The following MSMB variants were observed in gnomAD, a reference collection of about 807,000 sequenced individuals.
The protein encoded by MSMB is beta-microseminoprotein.
MSMB carries 10 observed loss-of-function variants against 10.5 expected under a neutral mutation model. That is an observed-to-expected ratio of 0.95 (90% confidence interval 0.59 to 1.62). The LOEUF is 1.62. MSMB is among the 40% of genes most tolerant of loss of function. The pLI, the probability that MSMB is intolerant of heterozygous loss-of-function variation, is 0.00. For synonymous variants in MSMB, 43 were observed against 46.5 expected (o/e 0.93, Z 0.30); for missense variants, 126 against 137.4 (o/e 0.92, Z 0.42).
intron 1 of MSMB, among the ~76,000 whole-genome samples, chr10:46,041,344 C>CAAAA (rs60728604): frequency 5.2e-5 from 5 of 96,530 alleles, no homozygotes; most frequent in Admixed American, 1.1e-4. Context: ...GACTCCGTCT[C>CAAAA]AAAAAAAAAA....
At chr10:46,046,099 C>T in intron 1 of MSMB, 136 bp downstream of exon 1, 2 of 882,432 alleles carry the variant, frequency 2.3e-6, no homozygotes, top group Non-Finnish European at 1.8e-6. Context: ...CATTGAATTG[C>T]AGGTAATAAC....
At position 46,041,872 on chromosome 10, in the gene MSMB, A is replaced by G. The variant is rs183803608; in HGVS notation, c.4-1781T>C. 7.9e-3 allele frequency among the ~76,000 whole-genome samples: 1,143 copies of G among 144,434 alleles called. 8 individuals carry two copies. Among genetic ancestry groups the G allele is most frequent in the African/African-American group, 0.019 (652 of 34,630 alleles). 94.8% of individuals were successfully genotyped at this position (144,434 alleles called of 152,430 possible). A position where few individuals can be genotyped will look rare whatever the true frequency, so the allele number is the denominator to read the frequency against. ...AAGGTAGTTGGATAGGGTAAAAAAGAAAAAAACAAAACCCAGAAAGTATAA... is the reference window on the plus strand; with the variant it reads ...AAGGTAGTTGGATAGGGTAAAAAAGGAAAAAACAAAACCCAGAAAGTATAA... On this transcript the variant is annotated intron_variant, in intron 1 of 3. Transcript: ENST00000582163.
intron 1 of MSMB, among the ~76,000 whole-genome samples, chr10:46,042,752 A>C (rs1280699201): frequency 6.6e-6 from 1 of 152,218 alleles, no homozygotes; most frequent in Non-Finnish European, 1.5e-5. Flanking sequence ...ATTGATCACC[A>C]CATGTCACGA....
chr10:46,040,196 A>T (rs1590195762), intron 1 of MSMB, 105 bp from the exon 2 acceptor site: 1 of 866,954 alleles, frequency 1.2e-6, no homozygotes, highest in Non-Finnish European at 1.8e-6. Context: ...CTGAGAGGTT[A>T]TGATGTGGAG....
chr10:46,035,239 A>C (rs1840575207), intron 3 of MSMB, among the ~76,000 whole-genome samples: 1 of 152,166 alleles, frequency 6.6e-6, no homozygotes, highest in African/African-American at 2.4e-5. Context: ...CAATAAGTTA[A>C]ACAAAAAATT....
intron 1 of MSMB, among the ~76,000 whole-genome samples, chr10:46,043,295 T>A (rs1448272636): frequency 6.6e-6 from 1 of 152,146 alleles, no homozygotes; most frequent in Non-Finnish European, 1.5e-5. Context: ...GGCAGGAGAT[T>A]GAACCACTGG....
chr10:46,042,343 T>C (rs998956142), intron 1 of MSMB, among the ~76,000 whole-genome samples: 1 of 152,024 alleles, frequency 6.6e-6, no homozygotes, highest in Non-Finnish European at 1.5e-5. Flanking sequence ...AACTTACTGA[T>C]AACAAAAGAA....
intron 1 of MSMB, among the ~76,000 whole-genome samples, chr10:46,043,435 G>GTCTCTCTCTCTCTCTC (rs149445497): frequency 3.2e-5 from 4 of 124,484 alleles, no homozygotes; most frequent in Admixed American, 1.8e-4. Flanking sequence ...CTCCCTTTCT[G>GTCTCTCTCTCTCTCTC]TCTCTCTCTC....
At chr10:46,035,424 T>C (rs1463698162) in intron 3 of MSMB, among the ~76,000 whole-genome samples, 5 of 152,190 alleles carry the variant, frequency 3.3e-5, no homozygotes, top group Admixed American at 1.3e-4. Context: ...AACAAATAAA[T>C]GGATAAGCAA....
intron 1 of MSMB, among the ~76,000 whole-genome samples, chr10:46,044,575 G>GAA (rs56061175): frequency 0.031 from 1,198 of 38,474 alleles, 220 homozygotes; most frequent in East Asian, 0.3. Flanking sequence ...CTCCGTCTCA[G>GAA]AAAAAAAAAA....
chr10:46,043,470 C>T (rs1282161312), intron 1 of MSMB, among the ~76,000 whole-genome samples: 1 of 124,046 alleles, frequency 8.1e-6, no homozygotes, highest in South Asian at 2.8e-4. Context: ...ACTCAGTTTT[C>T]CTTCCCTGTA....
intron 3 of MSMB, among the ~76,000 whole-genome samples, chr10:46,035,400 C>G (rs1840578339): frequency 6.6e-6 from 1 of 152,208 alleles, no homozygotes; most frequent in African/African-American, 2.4e-5. Context: ...CAGGCAGAAG[C>G]AACTCAAGTG....
At chr10:46,038,365 G>A (rs1315264577) in intron 3 of MSMB, among the ~76,000 whole-genome samples, 2 of 151,594 alleles carry the variant, frequency 1.3e-5, no homozygotes, top group Admixed American at 1.3e-4. Context: ...TCGGCTCACT[G>A]CAAGCTCTGC....
chr10:46,037,952 A>G (rs1840647214), intron 3 of MSMB, among the ~76,000 whole-genome samples: 1 of 152,234 alleles, frequency 6.6e-6, no homozygotes, highest in Non-Finnish European at 1.5e-5. Context: ...CAAGAAGGCA[A>G]TGTTGATGCA....
rs536569328 is a variant in MSMB at position 46,039,186 on chromosome 10, A to G, written c.110-115T>C. Reference sequence around the variant, plus strand: ...CCCCTCCCAGAGAGAGAGGAGCTCAATTATTTTAAAGGTATCTAAGAATGG... The same window carrying G: ...CCCCTCCCAGAGAGAGAGGAGCTCAGTTATTTTAAAGGTATCTAAGAATGG... On this transcript the variant is annotated intron_variant, in intron 2 of 3. Transcript: ENST00000582163. 7.0e-6 allele frequency: 6 copies of G among 860,186 alleles called. No individual in the cohort carries two copies. In the Admixed American group the frequency reaches 8.4e-5, roughly 12 times the overall value. 53.3% of individuals were successfully genotyped at this position (860,186 alleles called of 1,614,324 possible).
At chr10:46,041,344 C>CAAAAAAAAAA (rs60728604) in intron 1 of MSMB, among the ~76,000 whole-genome samples, 1 of 96,604 alleles carries the variant, frequency 1.0e-5, no homozygotes, top group African/African-American at 3.0e-5. Context: ...GACTCCGTCT[C>CAAAAAAAAAA]AAAAAAAAAA....
chr10:46,039,885 A>T, intron 2 of MSMB, 101 bp downstream of exon 2: 1 of 907,982 alleles, frequency 1.1e-6, no homozygotes, highest in Non-Finnish European at 1.7e-6. Flanking sequence ...ATCTCAAAAA[A>T]CAAAGAAACA....
At chr10:46,045,870 C>G (rs1840885073) in intron 1 of MSMB, among the ~76,000 whole-genome samples, 1 of 152,186 alleles carries the variant, frequency 6.6e-6, no homozygotes, top group Non-Finnish European at 1.5e-5. Context: ...TTCCCCTCCC[C>G]AGGCTCAGTT....
chr10:46,046,111 T>C (rs12246321), intron 1 of MSMB, 124 bp downstream of exon 1: 2 of 1,023,140 alleles, frequency 2.0e-6, no homozygotes, highest in Non-Finnish European at 1.5e-6. Context: ...GGTAATAACA[T>C]AAGGTTCCTA....
Sources: gnomAD v4.1 joint callset for allele counts (sites outside exome capture counted in the v4.1 genomes callset) on GRCh38, gnomAD v4.1.1 for gene constraint, MANE v1.5 for transcripts, NCBI Gene and HGNC (gene_info 2026-07-23, HGNC 2026-07-21) for gene names.